NFIB: variants seen among roughly 807,000 people sequenced by gnomAD.
The protein encoded by NFIB is nuclear factor I B, also known as nuclear factor 1 B-type.
Under a neutral mutation model 61.5 loss-of-function variants are expected in NFIB, and 11 were observed. The observed-to-expected ratio is 0.18, with a 90% confidence interval of 0.11 to 0.30. NFIB has a LOEUF of 0.30. Among genes scored for constraint, NFIB ranks in the 10% least tolerant of loss-of-function variants. The pLI, the probability that NFIB is intolerant of heterozygous loss-of-function variation, is 1.00. For missense variants in NFIB, 471 were observed against 608.9 expected (o/e 0.77, Z 2.38); for synonymous variants, 260 against 216.5 (o/e 1.20, Z -1.76).
At chr9:14,183,297 C>T (rs1475437387) in intron 2 of NFIB, among the ~76,000 whole-genome samples, 1 of 152,138 alleles carries the variant, frequency 6.6e-6, no homozygotes, top group African/African-American at 2.4e-5. Context: ...CAGTAGATAC[C>T]AGCCAGTTGA....
intron 2 of NFIB, among the ~76,000 whole-genome samples, chr9:14,278,657 G>C (rs2058167877): frequency 6.6e-6 from 1 of 152,182 alleles, no homozygotes; most frequent in African/African-American, 2.4e-5. Flanking sequence ...AACCCTGTTA[G>C]GGTCATTACT....
intron 3 of NFIB, among the ~76,000 whole-genome samples, chr9:14,159,438 A>C (rs1030371043): frequency 6.6e-6 from 1 of 152,160 alleles, no homozygotes; most frequent in African/African-American, 2.4e-5. Context: ...GTGAGACTTT[A>C]GTGGAGGAAG....
At chr9:14,271,379 T>G (rs1218444389) in intron 2 of NFIB, among the ~76,000 whole-genome samples, 1 of 152,056 alleles carries the variant, frequency 6.6e-6, no homozygotes, top group African/African-American at 2.4e-5. Context: ...AATGCCTCCT[T>G]AGTTGAAAGA....
chr9:14,395,582 G>A (rs1184159335), intron 1 of NFIB, among the ~76,000 whole-genome samples: 9 of 151,830 alleles, frequency 5.9e-5, no homozygotes, highest in Admixed American at 2.0e-4. Flanking sequence ...AATGTAAGCC[G>A]GCCCCGATCT....
chr9:14,132,783 C>T (rs1410426937), intron 6 of NFIB, among the ~76,000 whole-genome samples: 1 of 152,156 alleles, frequency 6.6e-6, no homozygotes, highest in East Asian at 1.9e-4. Context: ...CCAGGCTGGT[C>T]TGGAACTCCT....
At chr9:14,292,013 T>A (rs1038818133) in intron 2 of NFIB, among the ~76,000 whole-genome samples, 1 of 152,160 alleles carries the variant, frequency 6.6e-6, no homozygotes, top group African/African-American at 2.4e-5. Context: ...ATACTTCCTA[T>A]GAAAATGTAT....
At chr9:14,496,567 C>T in the NFIB span, among the ~76,000 whole-genome samples, 1 of 152,214 alleles carries the variant, frequency 6.6e-6, no homozygotes, top group African/African-American at 2.4e-5. Context: ...GAGCTCCTGT[C>T]TCTTTTCTTT....
chr9:14,350,485 T>C (rs983767384), intron 1 of NFIB, among the ~76,000 whole-genome samples: 21 of 147,058 alleles, frequency 1.4e-4, no homozygotes, highest in African/African-American at 5.1e-4. Context: ...CTGCCCCCAA[T>C]TCCTATAGGG....
chr9:14,438,734 T>C, the NFIB span, among the ~76,000 whole-genome samples: 2 of 152,158 alleles, frequency 1.3e-5, no homozygotes, highest in Non-Finnish European at 2.9e-5. Flanking sequence ...GCCAGGCCTC[T>C]ATTTGGAAAC....
At chr9:14,193,874 A>C (rs1304404391) in intron 2 of NFIB, among the ~76,000 whole-genome samples, 1 of 152,212 alleles carries the variant, frequency 6.6e-6, no homozygotes, top group Non-Finnish European at 1.5e-5. Flanking sequence ...GGATAGAACT[A>C]ACAGGATGAC....
At chr9:14,124,169 G>T (rs563508096) in intron 7 of NFIB, among the ~76,000 whole-genome samples, 2 of 152,204 alleles carry the variant, frequency 1.3e-5, no homozygotes. Context: ...GGCTCATCTA[G>T]GTCTCTCCTG....
chr9:14,301,730 G>A (rs1178856146), intron 2 of NFIB, among the ~76,000 whole-genome samples: 2 of 152,154 alleles, frequency 1.3e-5, no homozygotes, highest in African/African-American at 2.4e-5. Context: ...GTCTGTTAAA[G>A]CTATCTTGTG....
intron 2 of NFIB, among the ~76,000 whole-genome samples, chr9:14,288,611 C>T (rs1376937078): frequency 6.6e-6 from 1 of 152,084 alleles, no homozygotes; most frequent in African/African-American, 2.4e-5. Flanking sequence ...CTCTCCGTGA[C>T]CTTTCCATTG....
chr9:14,223,476 T>A (rs2051964736), intron 2 of NFIB, among the ~76,000 whole-genome samples: 1 of 152,350 alleles, frequency 6.6e-6, no homozygotes, highest in East Asian at 1.9e-4. Context: ...AGAACAAAGC[T>A]TAAAAATTAG....
chr9:14,293,314 C>T (rs2059218138), intron 2 of NFIB, among the ~76,000 whole-genome samples: 1 of 152,148 alleles, frequency 6.6e-6, no homozygotes, highest in African/African-American at 2.4e-5. Flanking sequence ...GGCTGCAAAC[C>T]ACTCAATAAT....
the NFIB span, among the ~76,000 whole-genome samples, chr9:14,463,665 T>TCC: frequency 1.0e-4 from 7 of 67,528 alleles, no homozygotes; most frequent in African/African-American, 4.3e-4. Flanking sequence ...TTTTCTTTTT[T>TCC]TTTTTTTTTT....
chr9:14,478,453 G>C, the NFIB span, among the ~76,000 whole-genome samples: 39 of 152,154 alleles, frequency 2.6e-4, no homozygotes, highest in Middle Eastern at 3.4e-3. Flanking sequence ...ACATATTAAA[G>C]TACTGAGTAG....
chr9:14,136,201 T>C (rs2041024464), intron 6 of NFIB, among the ~76,000 whole-genome samples: 1 of 152,228 alleles, frequency 6.6e-6, no homozygotes, highest in East Asian at 1.9e-4. Context: ...CAAAATGCTT[T>C]TGTCCACTAA....
At chr9:14,231,757 T>G (rs1331966861) in intron 2 of NFIB, among the ~76,000 whole-genome samples, 1 of 152,154 alleles carries the variant, frequency 6.6e-6, no homozygotes, top group Non-Finnish European at 1.5e-5. Context: ...ACAAGAGAAC[T>G]GCATAACATG....
Sources: allele counts gnomAD v4.1 joint callset (sites outside exome capture counted in the v4.1 genomes callset), GRCh38; gene constraint gnomAD v4.1.1; transcripts MANE v1.5; gene names NCBI Gene and HGNC (gene_info 2026-07-23, HGNC 2026-07-21).